The following SPECC1 variants were observed in gnomAD, a reference collection of about 807,000 sequenced individuals.
The protein encoded by SPECC1 is sperm antigen with calponin homology and coiled-coil domains 1.
SPECC1 carries 62 observed loss-of-function variants against 104.1 expected under a neutral mutation model. The observed-to-expected ratio is 0.60, with a 90% confidence interval of 0.49 to 0.74. The LOEUF is 0.74. Ranked by LOEUF, SPECC1 falls within the 30% of genes least tolerant of loss-of-function variation. The pLI is 0.00. For missense variants in SPECC1, 1,306 were observed against 1,310.5 expected, an observed-to-expected ratio of 1.00 and a Z score of 0.05; for synonymous variants, 513 against 501.6, an observed-to-expected ratio of 1.02 and a Z score of -0.30.
chr17:20,145,561 A>C (rs1293665925), intron 3 of SPECC1, among the ~76,000 whole-genome samples: 1 of 152,190 alleles, frequency 6.6e-6, no homozygotes, highest in Non-Finnish European at 1.5e-5. Flanking sequence ...TGGAAGAAGA[A>C]GGTTTCAGTA....
chr17:20,252,016 A>G (rs759545486), intron 9 of SPECC1, among the ~76,000 whole-genome samples: 10 of 152,170 alleles, frequency 6.6e-5, no homozygotes, highest in African/African-American at 9.7e-5. Context: ...GACTTCTAAG[A>G]TACAGTAAGT....
chr17:20,217,231 T>G (rs1050235409), intron 4 of SPECC1, among the ~76,000 whole-genome samples: 1 of 152,074 alleles, frequency 6.6e-6, no homozygotes, highest in Non-Finnish European at 1.5e-5. Flanking sequence ...TGTGAGAAGT[T>G]GTGAAATGAC....
chr17:20,318,109 C>T lies in SPECC1; in HGVS notation c.*4044C>T, dbSNP rs1169142144. 4 of 231,264 alleles carry T rather than the reference C, an allele frequency of 1.7e-5. No individual in the cohort carries two copies. The highest frequency in any genetic ancestry group is 5.6e-5 in the Admixed American group (1 of 17,720). 14.3% of individuals were successfully genotyped at this position (231,264 alleles called of 1,614,324 possible). Reference sequence around the variant, plus strand: ...CACATTTCTTTCCATCTTCCCTCAGCCAGTAGTCATTTAAAATTCTTCAGT... The same window carrying T: ...CACATTTCTTTCCATCTTCCCTCAGTCAGTAGTCATTTAAAATTCTTCAGT... On this transcript the variant is annotated 3_prime_UTR_variant, in exon 15 of 15. Transcript: ENST00000395527.
At chr17:20,268,081 C>G (rs1279531342) in intron 12 of SPECC1, among the ~76,000 whole-genome samples, 1 of 152,168 alleles carries the variant, frequency 6.6e-6, no homozygotes, top group South Asian at 2.1e-4. Context: ...TTTACTGTTA[C>G]TTGAATTCCT....
chr17:20,238,235 G>GA, intron 7 of SPECC1: 3 of 1,039,908 alleles, frequency 2.9e-6, no homozygotes, highest in Non-Finnish European at 3.5e-6. Flanking sequence ...AAATCTAATG[G>GA]AAAACGATTG....
At chr17:20,184,495 A>T (rs1287240389) in intron 3 of SPECC1, among the ~76,000 whole-genome samples, 1 of 152,162 alleles carries the variant, frequency 6.6e-6, no homozygotes, top group Non-Finnish European at 1.5e-5. Context: ...TTGTTTTTAT[A>T]TGTGAGGGCT....
intron 3 of SPECC1, among the ~76,000 whole-genome samples, chr17:20,179,373 A>G (rs115686119): frequency 1.9e-3 from 297 of 152,378 alleles, no homozygotes; most frequent in African/African-American, 6.9e-3. Flanking sequence ...ATTTTCCATC[A>G]TAGTCCTTGC....
intron 1 of SPECC1, among the ~76,000 whole-genome samples, chr17:20,066,152 A>C (rs1479206424): frequency 6.6e-6 from 1 of 152,064 alleles, no homozygotes; most frequent in African/African-American, 2.4e-5. Context: ...TACCTTTTTT[A>C]CAAATGGGAG....
At chr17:20,098,804 T>C (rs2047779036) in intron 2 of SPECC1, among the ~76,000 whole-genome samples, 2 of 152,234 alleles carry the variant, frequency 1.3e-5, no homozygotes, top group East Asian at 1.9e-4. Flanking sequence ...ACACACCTGC[T>C]TGTTTACGGT....
chr17:20,235,042 T>A (rs564373243), intron 7 of SPECC1, among the ~76,000 whole-genome samples: 1 of 152,336 alleles, frequency 6.6e-6, no homozygotes, highest in African/African-American at 2.4e-5. Context: ...ACCAGTAACA[T>A]CTCATTCTCA....
rs1333776466 is a variant in SPECC1 at position 20,223,185 on chromosome 17, T to C, written c.1864-4228T>C. 4.6e-5 allele frequency among the ~76,000 whole-genome samples: 7 copies of C among 152,264 alleles called. No homozygotes were observed. In the East Asian group the frequency reaches 9.7e-4, roughly 21 times the overall value. ...AATAACTTACTAGATTTGCGCTTTTTTTAGACTGTTTTGTAGATCTTGTAT... is the reference window on the plus strand; with the variant it reads ...AATAACTTACTAGATTTGCGCTTTTCTTAGACTGTTTTGTAGATCTTGTAT... On this transcript the variant is annotated intron_variant, in intron 4 of 14. Transcript: ENST00000395527.
chr17:20,075,748 C>T (rs1002325820), intron 1 of SPECC1, among the ~76,000 whole-genome samples: 3 of 152,032 alleles, frequency 2.0e-5, no homozygotes, highest in Admixed American at 2.0e-4. Context: ...GAGTTCAAGA[C>T]CAGCCTGGGC....
chr17:20,051,466 T>C (rs1368286768), intron 1 of SPECC1, among the ~76,000 whole-genome samples: 1 of 152,188 alleles, frequency 6.6e-6, no homozygotes, highest in East Asian at 1.9e-4. Context: ...TGAGCCACTG[T>C]GCCCAGCTAG....
intron 4 of SPECC1, 43 bp downstream of exon 4, chr17:20,205,955 T>C: frequency 6.4e-7 from 1 of 1,561,702 alleles, no homozygotes; most frequent in Non-Finnish European, 8.6e-7. Flanking sequence ...TCATCCTTGT[T>C]CACATTTCTG....
At chr17:20,177,711 A>T (rs2034568388) in intron 3 of SPECC1, among the ~76,000 whole-genome samples, 1 of 151,920 alleles carries the variant, frequency 6.6e-6, no homozygotes, top group Non-Finnish European at 1.5e-5. Flanking sequence ...ATTTTATTTT[A>T]TTTATTATTA....
At chr17:20,245,881 G>T (rs1408794689) in intron 7 of SPECC1, 45 bp from the exon 8 acceptor site, 1 of 1,603,894 alleles carries the variant, frequency 6.2e-7, no homozygotes, top group Non-Finnish European at 8.5e-7. Flanking sequence ...TCTCCCATGG[G>T]GATGTCCTCC....
chr17:20,309,264 A>T (rs1478139445), intron 14 of SPECC1, among the ~76,000 whole-genome samples: 1 of 152,248 alleles, frequency 6.6e-6, no homozygotes, highest in Non-Finnish European at 1.5e-5. Flanking sequence ...CCCAGTCAGA[A>T]GTGACAGCAG....
At chr17:20,300,647 C>T (rs2041545357) in intron 13 of SPECC1, among the ~76,000 whole-genome samples, 2 of 152,264 alleles carry the variant, frequency 1.3e-5, no homozygotes, top group African/African-American at 4.8e-5. Flanking sequence ...GCCAGAGCCC[C>T]TGTGTCTGGC....
intron 12 of SPECC1, among the ~76,000 whole-genome samples, chr17:20,275,618 A>G (rs534636423): frequency 6.6e-6 from 1 of 152,236 alleles, no homozygotes; most frequent in South Asian, 2.1e-4. Flanking sequence ...ATTTTTGTGA[A>G]AAGTATAAGA....
Sources: allele counts gnomAD v4.1 joint callset (sites outside exome capture counted in the v4.1 genomes callset), GRCh38; gene constraint gnomAD v4.1.1; transcripts MANE v1.5; gene names NCBI Gene and HGNC (gene_info 2026-07-23, HGNC 2026-07-21).